The following DAB1 variants were observed in gnomAD, a reference collection of about 807,000 sequenced individuals.
DAB1 encodes DAB adaptor protein 1.
Under a neutral mutation model 64.6 loss-of-function variants are expected in DAB1, and 15 were observed. The observed-to-expected ratio is 0.23, with a 90% CI of 0.16 to 0.36. DAB1 has a LOEUF of 0.36. Among genes scored for constraint, DAB1 ranks in the 10% least tolerant of loss-of-function variants. The pLI is 1.00. For synonymous variants in DAB1, 235 were observed against 251.9 expected (o/e 0.93, Z 0.64); for missense variants, 596 against 706.7 (o/e 0.84, Z 1.78).
At chr1:58,324,755 G>T (rs1662782158) in intron 4 of DAB1, among the ~76,000 whole-genome samples, 1 of 152,150 alleles carries the variant, frequency 6.6e-6, no homozygotes, top group Non-Finnish European at 1.5e-5. Flanking sequence ...TTAACTGCTG[G>T]GTGTGTTGCC....
At chr1:57,788,435 A>C (rs1650438489) in intron 6 of DAB1, among the ~76,000 whole-genome samples, 1 of 152,228 alleles carries the variant, frequency 6.6e-6, no homozygotes, top group East Asian at 1.9e-4. Context: ...AAAAGGCTAC[A>C]TGCTGTGTGA....
chr1:58,201,962 T>A (rs997932539), intron 4 of DAB1, among the ~76,000 whole-genome samples: 2 of 152,210 alleles, frequency 1.3e-5, no homozygotes, highest in African/African-American at 4.8e-5. Flanking sequence ...TACCTAATTC[T>A]GCTTCTATCA....
intron 5 of DAB1, among the ~76,000 whole-genome samples, chr1:58,045,268 G>A (rs1009775054): frequency 1.3e-5 from 2 of 152,156 alleles, no homozygotes; most frequent in African/African-American, 2.4e-5. Flanking sequence ...CCACTCCGAC[G>A]GGTCTGCTGG....
chr1:57,218,533 A>C (rs1001562487), intron 2 of DAB1, among the ~76,000 whole-genome samples: 8 of 146,244 alleles, frequency 5.5e-5, no homozygotes, highest in African/African-American at 1.0e-4. Flanking sequence ...AAAAAAAAAA[A>C]AAAAAAAAAA....
chr1:57,541,501 G>C (rs1186456123), intron 7 of DAB1, among the ~76,000 whole-genome samples: 1 of 152,186 alleles, frequency 6.6e-6, no homozygotes, highest in Non-Finnish European at 1.5e-5. Flanking sequence ...TTTCTTCATA[G>C]TGCCAGTATA....
chr1:57,305,859 C>A (rs1674096207), intron 1 of DAB1, among the ~76,000 whole-genome samples: 1 of 151,228 alleles, frequency 6.6e-6, no homozygotes, highest in Non-Finnish European at 1.5e-5. Context: ...GTCCCAGCTA[C>A]TCAGGAGGCT....
chr1:57,491,455 A>G (rs1415542769), intron 7 of DAB1, among the ~76,000 whole-genome samples: 1 of 152,172 alleles, frequency 6.6e-6, no homozygotes, highest in Non-Finnish European at 1.5e-5. Context: ...AAATTAGATT[A>G]AATTAAAAAA....
intron 7 of DAB1, among the ~76,000 whole-genome samples, chr1:57,479,738 T>C (rs752067700): frequency 6.6e-6 from 1 of 152,100 alleles, no homozygotes; most frequent in Non-Finnish European, 1.5e-5. Flanking sequence ...GGAAGCTCCT[T>C]GAGCATCTTC....
chr1:57,136,199 T>A (rs61765324), intron 4 of DAB1, among the ~76,000 whole-genome samples: 1,528 of 152,282 alleles, frequency 0.01, 26 homozygotes, highest in East Asian at 0.056. Context: ...TGTACATGTA[T>A]CTCCCTCTAG....
chr1:58,039,290 G>C (rs1248516757), intron 5 of DAB1, among the ~76,000 whole-genome samples: 1 of 152,088 alleles, frequency 6.6e-6, no homozygotes, highest in Non-Finnish European at 1.5e-5. Flanking sequence ...CCAGACAGTG[G>C]GGACAGCCTC....
intron 1 of DAB1, among the ~76,000 whole-genome samples, chr1:57,838,786 C>CT (rs1221758394): frequency 3.7e-5 from 4 of 108,542 alleles, no homozygotes; most frequent in Non-Finnish European, 5.9e-5. Context: ...TTTTTTTTTT[C>CT]TTTTTTTTGA....
intron 3 of DAB1, among the ~76,000 whole-genome samples, chr1:58,418,105 G>C (rs1441747908): frequency 6.6e-6 from 1 of 152,078 alleles, no homozygotes; most frequent in East Asian, 1.9e-4. Context: ...GTGCAATTCC[G>C]CAACTCTCTC....
intron 3 of DAB1, among the ~76,000 whole-genome samples, chr1:58,491,073 C>A (rs1034835283): frequency 3.9e-5 from 6 of 152,052 alleles, no homozygotes; most frequent in African/African-American, 1.5e-4. Context: ...TCCCAAAGTG[C>A]TGAGATTACA....
intron 1 of DAB1, among the ~76,000 whole-genome samples, chr1:57,883,690 T>C (rs1644179981): frequency 6.6e-6 from 1 of 152,158 alleles, no homozygotes; most frequent in African/African-American, 2.4e-5. Context: ...CTTAAATTGG[T>C]TTTATTCTAA....
chr1:57,071,189 A>C, intron 6 of DAB1, 128 bp from the exon 7 acceptor site: 4 of 928,124 alleles, frequency 4.3e-6, no homozygotes, highest in Non-Finnish European at 6.6e-6. Flanking sequence ...TGGGCCATCA[A>C]GGTAGAAAAA....
In DAB1 at chr1:57,076,299, C is replaced by T. The variant is rs191928351; in HGVS notation, c.307-3885G>A. On this transcript the variant is annotated intron_variant, in intron 4 of 14. Coordinates refer to ENST00000371236, the MANE Select transcript of DAB1 (RefSeq NM_001365792.1). ...GAAGGAAAGGCAGATGCTGGTTGCC[C>T]TCTTCCACATTTCCTTTTGAAAACC... Among the ~76,000 whole-genome samples the T allele has an allele frequency of 5.1e-4, 77 of 152,284 alleles. 1 individual carries two copies. The East Asian group carries it at 0.014, about 28-fold the overall frequency.
chr1:57,382,421 A>C lies in DAB1; in HGVS notation c.-137+41509T>G, dbSNP rs868530561. ...ACAAACGTTTATTGAGTGCTGTATT[A>C]GTTTTCTTTTGCTGCCATAACAAAT... On this transcript the variant is annotated intron_variant, in intron 1 of 14. Transcript: ENST00000371236. 3.1e-4 allele frequency among the ~76,000 whole-genome samples: 47 copies of C among 152,304 alleles called. 1 individual carries two copies. The highest frequency in any genetic ancestry group is 1.0e-3 in the South Asian group (5 of 4,828).
chr1:57,238,838 TGC>T (rs1316572825), intron 2 of DAB1, among the ~76,000 whole-genome samples: 22 of 96,896 alleles, frequency 2.3e-4, no homozygotes, highest in Admixed American at 6.1e-4. Flanking sequence ...CGTGTGCACA[TGC>T]GCACACACAC....
intron 7 of DAB1, among the ~76,000 whole-genome samples, chr1:57,480,143 C>G (rs796237907): frequency 7.0e-6 from 1 of 142,288 alleles, no homozygotes; most frequent in East Asian, 2.0e-4. Flanking sequence ...CAGAGCGAAA[C>G]TCCGTCTCAA....
Sources: allele counts gnomAD v4.1 joint callset (sites outside exome capture counted in the v4.1 genomes callset), GRCh38; gene constraint gnomAD v4.1.1; transcripts MANE v1.5; gene names NCBI Gene and HGNC (gene_info 2026-07-23, HGNC 2026-07-21).